Variants in CDC42SE2 observed in about 807,000 individuals in gnomAD.
CDC42SE2 encodes the protein CDC42 small effector protein 2.
A neutral mutation model predicts 11.5 loss-of-function variants in CDC42SE2; 3 were observed. The observed-to-expected ratio is 0.26, with a 90% confidence interval of 0.12 to 0.67. The LOEUF (loss-of-function observed/expected upper bound fraction) is 0.67. Among genes scored for constraint, CDC42SE2 ranks in the 30% least tolerant of loss-of-function variants. The pLI is 0.80. For missense variants in CDC42SE2, 82 were observed against 106.8 expected, an observed-to-expected ratio of 0.77 and a Z score of 1.02; for synonymous variants, 33 against 34.8, an observed-to-expected ratio of 0.95 and a Z score of 0.18.
chr5:131,385,379 A>AT (rs1261040966), intron 3 of CDC42SE2, among the ~76,000 whole-genome samples, 164 bp from the exon 4 acceptor site: 16 of 152,198 alleles, frequency 1.1e-4, no homozygotes, highest in Admixed American at 1.0e-3. Context: ...TTTTGTGCAT[A>AT]TATTTGTCTT....
At chr5:131,359,652 A>G in intron 3 of CDC42SE2, 105 bp downstream of exon 3, 2 of 819,380 alleles carry the variant, frequency 2.4e-6, no homozygotes, top group South Asian at 1.3e-5. Flanking sequence ...AAGCAGTTGT[A>G]GAGAATACCA....
At chr5:131,347,773 C>T (rs993352301) in intron 2 of CDC42SE2, among the ~76,000 whole-genome samples, 5 of 152,150 alleles carry the variant, frequency 3.3e-5, no homozygotes, top group Non-Finnish European at 5.9e-5. Context: ...AAACCAAATC[C>T]AGCAGCACCT....
At chr5:131,329,536 G>A (rs1394570188) in intron 2 of CDC42SE2, among the ~76,000 whole-genome samples, 2 of 152,082 alleles carry the variant, frequency 1.3e-5, no homozygotes, top group Admixed American at 1.3e-4. Context: ...TAATTGAAGA[G>A]TATAGGCATA....
chr5:131,339,246 GAAAAAAAAAAA>G (rs34594352), intron 2 of CDC42SE2, among the ~76,000 whole-genome samples: 78 of 28,244 alleles, frequency 2.8e-3, no homozygotes, highest in Admixed American at 0.01. Flanking sequence ...GACTCTGTCT[GAAAAAAAAAAA>G]AAAAAAAAAA....
chr5:131,238,929 G>A, the CDC42SE2 span, among the ~76,000 whole-genome samples: 8 of 151,936 alleles, frequency 5.3e-5, no homozygotes, highest in East Asian at 1.9e-4. Flanking sequence ...AGGCTGAGGC[G>A]GGTGGATCAC....
intron 1 of CDC42SE2, among the ~76,000 whole-genome samples, chr5:131,248,860 T>C (rs902182952): frequency 2.6e-5 from 4 of 152,142 alleles, no homozygotes; most frequent in African/African-American, 7.2e-5. Context: ...GGAAGACTTA[T>C]TATTATGAAT....
chr5:131,228,385 G>T, the CDC42SE2 span, among the ~76,000 whole-genome samples: 6,970 of 151,920 alleles, frequency 0.046, 405 homozygotes, highest in African/African-American at 0.13. Context: ...AAGAGAGACA[G>T]AGAGAGAGAG....
At position 131,359,533 on chromosome 5, in the gene CDC42SE2, G is replaced by C; in HGVS notation, c.40G>C (p.Glu14Gln). 6.2e-7 allele frequency: 1 copy of C among 1,612,670 alleles called. No homozygotes were observed. The highest frequency in any genetic ancestry group is 8.5e-7 in the Non-Finnish European group (1 of 1,178,728). Residue 14 changes from glutamate to glutamine, a missense_variant, in exon 3 of 5, where the codon GAA becomes CAA. Physicochemically the swap from Glu to Gln is conservative, Grantham distance 29 (BLOSUM62 2). Coordinates refer to ENST00000505065, the MANE Select transcript of CDC42SE2 (RefSeq NM_001375635.1). ...FWLCFNCCIA[E>Q]QPQPKRRRRI... is the part of the protein sequence containing the mutation. ...GTTGTGTTTCAACTGCTGTATTGCAGAACAGCCTCAGCCTGTAAGTATGAA... is the reference window on the plus strand; with the variant it reads ...GTTGTGTTTCAACTGCTGTATTGCACAACAGCCTCAGCCTGTAAGTATGAA...
chr5:131,252,059 T>TGGAAGGAAGGAAGGAAGGAAGGAA (rs60052435), intron 1 of CDC42SE2, among the ~76,000 whole-genome samples: 13 of 118,002 alleles, frequency 1.1e-4, no homozygotes, highest in East Asian at 2.5e-4. Flanking sequence ...AGAGAATGAG[T>TGGAAGGAAGGAAGGAAGGAAGGAA]GGAAGGAAGG....
the CDC42SE2 span, among the ~76,000 whole-genome samples, chr5:131,235,262 C>T: frequency 6.6e-6 from 1 of 151,386 alleles, no homozygotes. Context: ...CTAATCTCTT[C>T]CAGAAATACT....
intron 2 of CDC42SE2, among the ~76,000 whole-genome samples, chr5:131,339,762 A>T (rs998826504): frequency 1.3e-5 from 2 of 151,414 alleles, no homozygotes; most frequent in Admixed American, 6.6e-5. Context: ...GTGAGCCAAG[A>T]TTGTACCACT....
chr5:131,362,198 C>T (rs978912519), intron 3 of CDC42SE2, among the ~76,000 whole-genome samples: 1 of 152,074 alleles, frequency 6.6e-6, no homozygotes, highest in African/African-American at 2.4e-5. Context: ...CCAGCACTCC[C>T]GTATCAGTAC....
the CDC42SE2 span, among the ~76,000 whole-genome samples, chr5:131,231,259 A>G: frequency 6.6e-6 from 1 of 152,194 alleles, no homozygotes; most frequent in African/African-American, 2.4e-5. Context: ...TTTTAGATTA[A>G]TGATTGTATT....
intron 1 of CDC42SE2, among the ~76,000 whole-genome samples, chr5:131,273,977 C>T (rs1757049000): frequency 6.6e-6 from 1 of 151,974 alleles, no homozygotes; most frequent in South Asian, 2.1e-4. Context: ...GGGTTTTCAT[C>T]ATGTTGCCCA....
chr5:131,378,453 G>A, intron 3 of CDC42SE2, among the ~76,000 whole-genome samples: 1 of 152,108 alleles, frequency 6.6e-6, no homozygotes, highest in South Asian at 2.1e-4. Flanking sequence ...AGAAATGCCT[G>A]GTTCCTAATT....
chr5:131,302,155 C>T (rs1237834131), intron 1 of CDC42SE2, among the ~76,000 whole-genome samples: 2 of 151,814 alleles, frequency 1.3e-5, no homozygotes, highest in East Asian at 1.9e-4. Context: ...TACAGGCACG[C>T]GCCACTACTG....
intron 2 of CDC42SE2, among the ~76,000 whole-genome samples, chr5:131,255,786 G>C (rs1756675111): frequency 6.6e-6 from 1 of 152,222 alleles, no homozygotes; most frequent in South Asian, 2.1e-4. Context: ...CAAGGAAGTT[G>C]TGAAAAGAAT....
chr5:131,275,387 C>T (rs1038599450), intron 1 of CDC42SE2, among the ~76,000 whole-genome samples: 1 of 149,838 alleles, frequency 6.7e-6, no homozygotes, highest in Admixed American at 6.6e-5. Context: ...AACTCCGTCT[C>T]CCGGATTCAA....
chr5:131,249,976 C>A (rs185994731), intron 1 of CDC42SE2, among the ~76,000 whole-genome samples: 2 of 152,280 alleles, frequency 1.3e-5, no homozygotes, highest in East Asian at 3.9e-4. Flanking sequence ...GGCTGTGGAT[C>A]CATTGCTTAT....
Sources: gnomAD v4.1 joint callset for allele counts (sites outside exome capture counted in the v4.1 genomes callset) on GRCh38, gnomAD v4.1.1 for gene constraint, MANE v1.5 for transcripts, NCBI Gene and HGNC (gene_info 2026-07-23, HGNC 2026-07-21) for gene names.